Variants in CDH26 observed in about 807,000 individuals in gnomAD.
The protein encoded by CDH26 is cadherin 26.
Under a neutral mutation model 90.3 loss-of-function variants are expected in CDH26, and 83 were observed. The ratio of observed to expected loss-of-function variants is 0.92; its 90% CI spans 0.77 to 1.10. The LOEUF (loss-of-function observed/expected upper bound fraction) is 1.10. Among genes scored for constraint, CDH26 ranks in the 50% least tolerant of loss-of-function variants. The pLI is 0.00. For synonymous variants in CDH26, 397 were observed against 396.3 expected, an observed-to-expected ratio of 1.00 and a Z score of -0.02; for missense variants, 1,013 against 1,037.6, an observed-to-expected ratio of 0.98 and a Z score of 0.33.
chr20:60,005,174 T>C (rs2061729869), intron 16 of CDH26, among the ~76,000 whole-genome samples: 1 of 152,222 alleles, frequency 6.6e-6, no homozygotes, highest in Admixed American at 6.5e-5. Flanking sequence ...CTTACTTTGT[T>C]ATAATATAGT....
At chr20:60,009,785 T>A (rs1427537486) in intron 17 of CDH26, among the ~76,000 whole-genome samples, 1 of 152,058 alleles carries the variant, frequency 6.6e-6, no homozygotes, top group East Asian at 1.9e-4. Context: ...TGAAGTTGAA[T>A]CCACCCAGCA....
chr20:59,969,410 T>C (rs2061221785), intron 2 of CDH26, among the ~76,000 whole-genome samples: 1 of 152,250 alleles, frequency 6.6e-6, no homozygotes, highest in Non-Finnish European at 1.5e-5. Context: ...CTTGGTATTG[T>C]TCTCTTGGTC....
downstream of CDH26, among the ~76,000 whole-genome samples, chr20:60,035,022 A>G (rs1417061260): frequency 1.3e-5 from 2 of 152,222 alleles, no homozygotes; most frequent in African/African-American, 4.8e-5. Context: ...AGAAATGCAT[A>G]TCATTTAAAA....
intron 1 of CDH26, among the ~76,000 whole-genome samples, chr20:59,961,389 A>C (rs888347475): frequency 6.6e-6 from 1 of 152,224 alleles, no homozygotes. Context: ...AAGACAGATG[A>C]AGAGAACATG....
At chr20:59,979,904 G>C (rs996662171) in intron 4 of CDH26, among the ~76,000 whole-genome samples, 6 of 152,000 alleles carry the variant, frequency 3.9e-5, no homozygotes, top group African/African-American at 1.4e-4. Context: ...TGGGATTACA[G>C]GTGTGAGCAA....
At chr20:60,011,778 A>G (rs189918321) in intron 17 of CDH26, among the ~76,000 whole-genome samples, 2 of 151,918 alleles carry the variant, frequency 1.3e-5, no homozygotes, top group Admixed American at 6.6e-5. Flanking sequence ...GGAGGAGGAG[A>G]TGTAGGTTGT....
At chr20:60,008,401 A>G (rs1194857073) in intron 17 of CDH26, among the ~76,000 whole-genome samples, 1 of 152,152 alleles carries the variant, frequency 6.6e-6, no homozygotes, top group Non-Finnish European at 1.5e-5. Flanking sequence ...CACAGAAAGC[A>G]GTAGATTTGG....
intron 7 of CDH26, among the ~76,000 whole-genome samples, chr20:60,019,750 G>T (rs1422847442): frequency 1.3e-5 from 2 of 152,114 alleles, no homozygotes; most frequent in Non-Finnish European, 2.9e-5. Flanking sequence ...TCCTTTGGAG[G>T]TGTCATGTTT....
chr20:60,006,749 G>C lies in CDH26; in HGVS notation c.2257G>C (p.Ala753Pro). The C allele has an allele frequency of 6.2e-7, 1 of 1,614,090 alleles. No individual in the cohort carries two copies. The highest frequency in any genetic ancestry group is 8.5e-7 in the Non-Finnish European group (1 of 1,179,964). ...TGCCACAATGCACAGACAACTCCTG[G>C]CTCCGGTGGAAGGAAGGATGGCAGA... ...PDATMHRQLL[A>P]PVEGRMAETL... The change falls in exon 17 of 18, where the codon GCT (alanine) becomes CCT (proline). Residue 753 changes from alanine (A) to proline (P), a missense_variant. Physicochemically the swap from Ala to Pro is conservative, Grantham distance 27 (BLOSUM62 -1). Transcript: ENST00000348616.
In CDH26 at chr20:59,992,641, T is replaced by C; in HGVS notation, c.1426+121T>C. 1 of 947,840 alleles carries C rather than the reference T, an allele frequency of 1.1e-6. No homozygotes were observed. Among genetic ancestry groups the C allele is most frequent in the South Asian group, 1.6e-5 (1 of 63,752 alleles). The allele number at this position is 947,840 out of a possible 1,614,324, so 58.7% of individuals were successfully genotyped here. ...AGGATAAAATAAACCTTGTTATCAC[T>C]CTGCATCCATGCTGGTGATTATTTT... is the stretch of plus-strand genomic sequence containing the variant. On this transcript the variant is annotated intron_variant, in intron 10 of 17. Transcript: ENST00000348616. The surrounding 1 kb of genome is among the most constrained non-coding windows in gnomAD (Gnocchi z 5.0).
At chr20:60,035,390 C>T (rs1452483189), downstream of CDH26, among the ~76,000 whole-genome samples, 5 of 152,194 alleles carry the variant, frequency 3.3e-5, no homozygotes, top group East Asian at 9.6e-4. Context: ...TTCCCACCAG[C>T]AGTGTGTATT....
intron 17 of CDH26, among the ~76,000 whole-genome samples, chr20:60,010,040 A>G (rs1423177581): frequency 6.6e-6 from 1 of 152,086 alleles, no homozygotes; most frequent in Non-Finnish European, 1.5e-5. Context: ...TGTGCAGGTG[A>G]GCATTCCCGC....
intron 1 of CDH26, among the ~76,000 whole-genome samples, chr20:59,962,796 G>T (rs537050769): frequency 7.2e-5 from 11 of 152,322 alleles, no homozygotes; most frequent in African/African-American, 2.6e-4. Context: ...GCCTTAGGAA[G>T]TGAACTTGAC....
At chr20:60,010,460 A>G (rs926781603) in intron 17 of CDH26, among the ~76,000 whole-genome samples, 2 of 152,140 alleles carry the variant, frequency 1.3e-5, no homozygotes, top group Non-Finnish European at 2.9e-5. Flanking sequence ...AGCACCCTCT[A>G]GAGGTATTAG....
chr20:60,021,897 C>CACATATATATATAT (rs1295572684), intron 7 of CDH26, among the ~76,000 whole-genome samples: 7 of 78,996 alleles, frequency 8.9e-5, no homozygotes, highest in Admixed American at 2.6e-4. Context: ...CACACACACA[C>CACATATATATATAT]ATATATATAT....
At position 59,988,890 on chromosome 20, in the gene CDH26, C is replaced by T; in HGVS notation, c.1024-14C>T. ...GCAGCAGGTGCTAATGAAATCCTCT[C>T]TCTGGGGTTCCAGCCTTTGGATTAT... On this transcript the variant is annotated splice_polypyrimidine_tract_variant and intron_variant, in intron 8 of 17. Coordinates refer to ENST00000348616, the MANE Select transcript of CDH26 (RefSeq NM_177980.4). 6.2e-7 allele frequency: 1 copy of T among 1,611,904 alleles called. No individual in the cohort carries two copies. Among genetic ancestry groups the T allele is most frequent in the Non-Finnish European group, 8.5e-7 (1 of 1,178,394 alleles).
At chr20:59,964,457 C>T (rs1186048489) in intron 1 of CDH26, among the ~76,000 whole-genome samples, 1 of 151,354 alleles carries the variant, frequency 6.6e-6, no homozygotes, top group Non-Finnish European at 1.5e-5. Context: ...CCCAGGCCCA[C>T]ACCACCGCAT....
In CDH26 at chr20:60,025,153, G is replaced by A. The variant is rs553830437; in HGVS notation, c.948-6078G>A. Among the ~76,000 whole-genome samples the A allele has an allele frequency of 3.3e-5, 5 of 152,324 alleles. No homozygotes were observed. In the South Asian group the frequency reaches 1.0e-3, roughly 32 times the overall value. On this transcript the variant is annotated intron_variant, in intron 7 of 8. Coordinates refer to the CDH26 transcript ENST00000370991. ...AAATAAATGTAAGTCAGCATTTGTG[G>A]GGGCACTGTGTTCTGTCATTCATCG...
At chr20:59,994,223 A>G (rs1408026969) in intron 10 of CDH26, 27 bp from the exon 11 acceptor site, 2 of 1,612,594 alleles carry the variant, frequency 1.2e-6, no homozygotes, top group East Asian at 2.2e-5. Context: ...GAGATAAACA[A>G]CTCCTGAAAC....
Sources: gnomAD v4.1 joint callset for allele counts (sites outside exome capture counted in the v4.1 genomes callset) on GRCh38, gnomAD v4.1.1 for gene constraint, Gnocchi (gnomAD v3.1) non-coding constraint, MANE v1.5 for transcripts, NCBI Gene and HGNC (gene_info 2026-07-23, HGNC 2026-07-21) for gene names.